SCAF8: variants seen among roughly 807,000 people sequenced by gnomAD.
The protein encoded by SCAF8 is SR-related CTD associated factor 8, also known as SR-related and CTD-associated factor 8.
Under a neutral mutation model 140.5 loss-of-function variants are expected in SCAF8, and 23 were observed. That is an observed-to-expected ratio of 0.16 (90% CI 0.12 to 0.23). The LOEUF (loss-of-function observed/expected upper bound fraction) is 0.23. Ranked by LOEUF, SCAF8 falls within the 10% of genes least tolerant of loss-of-function variation. SCAF8 has a pLI of 1.00. For synonymous variants in SCAF8, 575 were observed against 528.9 expected, an observed-to-expected ratio of 1.09 and a Z score of -1.20; for missense variants, 1,397 against 1,555.7, an observed-to-expected ratio of 0.90 and a Z score of 1.72.
At chr6:154,820,067 A>G (rs1339330903) in intron 14 of SCAF8, 110 bp from the exon 15 acceptor site, 1 of 845,608 alleles carries the variant, frequency 1.2e-6, no homozygotes, top group African/African-American at 1.8e-5. Context: ...CTGTTTTCTA[A>G]AACCAATTTT....
intron 6 of SCAF8, among the ~76,000 whole-genome samples, chr6:154,801,006 A>G (rs759859830): frequency 1.3e-5 from 2 of 151,522 alleles, no homozygotes; most frequent in Non-Finnish European, 3.0e-5. Flanking sequence ...GAGTAGAGGA[A>G]GAAAATTGGA....
intron 1 of SCAF8, among the ~76,000 whole-genome samples, chr6:154,742,812 T>A (rs1002907517): frequency 6.6e-6 from 1 of 152,260 alleles, no homozygotes. Flanking sequence ...TAAGTTGATG[T>A]ATGACAAATT....
chr6:154,744,256 C>T (rs961816887), intron 1 of SCAF8, among the ~76,000 whole-genome samples: 5 of 152,184 alleles, frequency 3.3e-5, no homozygotes, highest in Middle Eastern at 3.2e-3. Flanking sequence ...TGCACCACTG[C>T]ACTCTAGTCT....
chr6:154,809,313 C>T (rs754321455), intron 11 of SCAF8, among the ~76,000 whole-genome samples: 4 of 152,088 alleles, frequency 2.6e-5, no homozygotes, highest in Admixed American at 6.6e-5. Flanking sequence ...CCCTGAAAAT[C>T]TGAACAGTAA....
chr6:154,801,565 C>T (rs944976862), intron 6 of SCAF8, among the ~76,000 whole-genome samples: 12 of 151,420 alleles, frequency 7.9e-5, no homozygotes, highest in Admixed American at 6.6e-4. Context: ...TTCTTAATGA[C>T]TCTCCAACTT....
chr6:154,821,864 T>C (rs925773127), intron 15 of SCAF8, among the ~76,000 whole-genome samples: 1 of 152,216 alleles, frequency 6.6e-6, no homozygotes, highest in Non-Finnish European at 1.5e-5. Context: ...AGCTTCTTTG[T>C]TCTCTTTTTG....
At chr6:154,826,708 T>G (rs1778575805) in intron 17 of SCAF8, among the ~76,000 whole-genome samples, 1 of 152,318 alleles carries the variant, frequency 6.6e-6, no homozygotes, top group African/African-American at 2.4e-5. Flanking sequence ...ATAGACTCGG[T>G]ATCTAAAATT....
chr6:154,825,705 G>A (rs564855993), intron 17 of SCAF8, among the ~76,000 whole-genome samples: 164 of 147,892 alleles, frequency 1.1e-3, no homozygotes, highest in South Asian at 1.6e-3. Context: ...TGGGAGGTTA[G>A]GTTAGAAGAA....
chr6:154,733,447 C>T lies in SCAF8; in HGVS notation c.-454C>T, dbSNP rs1395069068. 6 of 1,392,422 alleles carry T rather than the reference C, an allele frequency of 4.3e-6. No homozygotes were observed. The South Asian group carries it at 7.6e-5, about 18-fold the overall frequency. 86.3% of individuals were successfully genotyped at this position (1,392,422 alleles called of 1,614,324 possible). A position where few individuals can be genotyped will look rare whatever the true frequency, so the allele number is the denominator to read the frequency against. On this transcript the variant is annotated 5_prime_UTR_variant, in exon 1 of 20. Transcript: ENST00000367178. ...GATGCCGCAGCCGCTGCTGCCAGCG[C>T]TTCCTCCTCTGTCTTCGCCGAGCGG...
In SCAF8 at chr6:154,832,516, A is replaced by G. The variant is rs769932388; in HGVS notation, c.2937A>G (p.Pro979=). 2 of 1,613,890 alleles carry G rather than the reference A, an allele frequency of 1.2e-6. No individual in the cohort carries two copies. Among genetic ancestry groups the G allele is most frequent in the Non-Finnish European group, 1.7e-6 (2 of 1,179,940 alleles). ...PFPPGDIFSQ[P]ERPFLAPGRQ... Reference sequence around the variant, plus strand: ...CTCCAGGAGATATTTTTAGTCAACCAGAAAGACCTTTTTTAGCTCCTGGAA... The same window carrying G: ...CTCCAGGAGATATTTTTAGTCAACCGGAAAGACCTTTTTTAGCTCCTGGAA... Residue 979 remains proline, a synonymous_variant, in exon 20 of 20, where the codon CCA becomes CCG. Coordinates refer to ENST00000367178, the MANE Select transcript of SCAF8 (RefSeq NM_014892.5).
At chr6:154,789,924 A>G (rs1411722028) in intron 4 of SCAF8, among the ~76,000 whole-genome samples, 1 of 152,060 alleles carries the variant, frequency 6.6e-6, no homozygotes, top group African/African-American at 2.4e-5. Context: ...GTAATGTACT[A>G]ATCTGAAATT....
chr6:154,752,491 A>AT lies in SCAF8; in HGVS notation c.30+18573dup, dbSNP rs76544942. On this transcript the variant is annotated intron_variant, in intron 1 of 19. Coordinates refer to ENST00000367178, the MANE Select transcript of SCAF8 (RefSeq NM_014892.5). The stretch of plus-strand genomic sequence containing the variant: ...CTACTAGGGGATACTGGGAATTTTA[A>AT]TTTTTTTTTTTTATTTAAGAGGCTG... 3.0e-3 allele frequency among the ~76,000 whole-genome samples: 437 copies of AT among 147,874 alleles called. 7 individuals carry two copies. The highest frequency in any genetic ancestry group is 0.018 in the South Asian group (83 of 4,710).
At chr6:154,767,984 C>A (rs963831190) in intron 1 of SCAF8, among the ~76,000 whole-genome samples, 2 of 152,092 alleles carry the variant, frequency 1.3e-5, no homozygotes, top group Admixed American at 6.6e-5. Flanking sequence ...TTTCTCTAAT[C>A]ATATTAGAGT....
chr6:154,735,832 C>T (rs758152927), intron 1 of SCAF8, among the ~76,000 whole-genome samples: 2 of 151,010 alleles, frequency 1.3e-5, no homozygotes, highest in Non-Finnish European at 3.0e-5. Flanking sequence ...TTTTTCATAG[C>T]TATCTTTCTT....
chr6:154,748,381 A>G (rs570738503), intron 1 of SCAF8, among the ~76,000 whole-genome samples: 1 of 152,334 alleles, frequency 6.6e-6, no homozygotes, highest in East Asian at 1.9e-4. Context: ...TTTTCTTAAA[A>G]TAGGGACAAA....
At chr6:154,770,766 C>T (rs550665307) in intron 1 of SCAF8, among the ~76,000 whole-genome samples, 49 of 152,204 alleles carry the variant, frequency 3.2e-4, no homozygotes, top group African/African-American at 1.1e-3. Context: ...GTTGTTTTGA[C>T]ACAAAGCCTC....
chr6:154,745,638 T>C (rs1259041376), intron 1 of SCAF8, among the ~76,000 whole-genome samples: 2 of 152,182 alleles, frequency 1.3e-5, no homozygotes, highest in Non-Finnish European at 2.9e-5. Context: ...AGTTACTGTC[T>C]TTCCTTTGTA....
At chr6:154,807,892 G>T (rs911221615) in intron 9 of SCAF8, among the ~76,000 whole-genome samples, 178 bp from the exon 10 acceptor site, 2 of 152,118 alleles carry the variant, frequency 1.3e-5, no homozygotes, top group South Asian at 2.1e-4. Flanking sequence ...ATATAAAAAT[G>T]AGTTTATACA....
intron 6 of SCAF8, among the ~76,000 whole-genome samples, chr6:154,797,136 A>G (rs1357996108): frequency 7.0e-6 from 1 of 143,636 alleles, no homozygotes; most frequent in East Asian, 1.9e-4. Context: ...ATTAGAAACC[A>G]TCTGTTTTGT....
Sources: gnomAD v4.1 joint callset for allele counts (sites outside exome capture counted in the v4.1 genomes callset) on GRCh38, gnomAD v4.1.1 for gene constraint, MANE v1.5 for transcripts, NCBI Gene and HGNC (gene_info 2026-07-23, HGNC 2026-07-21) for gene names.